Variants in PDE6C observed in about 807,000 individuals in gnomAD.
The protein encoded by PDE6C is cone cGMP-specific 3',5'-cyclic phosphodiesterase subunit alpha'.
Under a neutral mutation model 113.1 loss-of-function variants are expected in PDE6C, and 75 were observed. The ratio of observed to expected loss-of-function variants is 0.66; its 90% CI spans 0.55 to 0.80. PDE6C has a LOEUF of 0.80. PDE6C is among the 30% of genes least tolerant of loss of function. The probability of loss-of-function intolerance (pLI) is 0.00; values close to 1 mark genes in which losing one functional copy is unlikely to be tolerated. For synonymous variants in PDE6C, 375 were observed against 363.7 expected (o/e 1.03, Z -0.35); for missense variants, 912 against 1,038.6 (o/e 0.88, Z 1.67).
intron 4 of PDE6C, among the ~76,000 whole-genome samples, chr10:93,622,835 A>G (rs1351980143): frequency 6.6e-6 from 1 of 152,058 alleles, no homozygotes; most frequent in African/African-American, 2.4e-5. Flanking sequence ...TCACTGAATA[A>G]TATTCCACTG....
intron 21 of PDE6C, among the ~76,000 whole-genome samples, chr10:93,663,603 T>C (rs1470062671): frequency 6.6e-6 from 1 of 152,158 alleles, no homozygotes; most frequent in Admixed American, 6.5e-5. Context: ...TTCTTCTCCA[T>C]GTAATGAGGT....
intron 15 of PDE6C, among the ~76,000 whole-genome samples, chr10:93,653,597 T>C (rs1310866108): frequency 6.6e-6 from 1 of 151,970 alleles, no homozygotes; most frequent in Non-Finnish European, 1.5e-5. Flanking sequence ...TGAGCTGAGA[T>C]TGTGCCACTG....
At chr10:93,630,965 G>A (rs2058498475) in intron 8 of PDE6C, among the ~76,000 whole-genome samples, 1 of 152,210 alleles carries the variant, frequency 6.6e-6, no homozygotes, top group Admixed American at 6.5e-5. Flanking sequence ...ATGCATGTCA[G>A]CAAAAGGGCG....
At chr10:93,643,409 G>A (rs1425486239) in intron 14 of PDE6C, among the ~76,000 whole-genome samples, 1 of 151,700 alleles carries the variant, frequency 6.6e-6, no homozygotes, top group African/African-American at 2.4e-5. Flanking sequence ...TATATTTTTT[G>A]GAGACAGGGT....
chr10:93,664,425 T>C (rs2058680727), intron 21 of PDE6C, among the ~76,000 whole-genome samples: 1 of 152,184 alleles, frequency 6.6e-6, no homozygotes, highest in South Asian at 2.1e-4. Context: ...GAGTGCGAAG[T>C]ACATATGAAG....
At chr10:93,664,011 G>A (rs772825937) in intron 21 of PDE6C, among the ~76,000 whole-genome samples, 2 of 152,134 alleles carry the variant, frequency 1.3e-5, no homozygotes, top group African/African-American at 2.4e-5. Context: ...ATTCATAGGA[G>A]AAAATATTTT....
chr10:93,636,449 T>C (rs1359928547), intron 10 of PDE6C, among the ~76,000 whole-genome samples: 1 of 151,272 alleles, frequency 6.6e-6, no homozygotes. Flanking sequence ...CATGTTGGTT[T>C]TTGGTTTTGC....
chr10:93,641,224 G>A (rs565967461), intron 14 of PDE6C, among the ~76,000 whole-genome samples, 195 bp downstream of exon 14: 93 of 152,114 alleles, frequency 6.1e-4, no homozygotes, highest in Non-Finnish European at 1.2e-3. Flanking sequence ...AGGTTCTTGC[G>A]TCCCCCTTTC....
intron 15 of PDE6C, among the ~76,000 whole-genome samples, chr10:93,647,492 A>C (rs2058590341): frequency 1.3e-5 from 2 of 152,322 alleles, no homozygotes; most frequent in South Asian, 4.1e-4. Context: ...GCGTTGTTTT[A>C]ACAGTCTGTG....
rs1012765041 is a variant in PDE6C at position 93,612,761 on chromosome 10, C to A, written c.36C>A (p.Tyr12Ter). ...GEINQVAVEK[Y>*]LEENPQFAKE... ...TCAACCAAGTTGCCGTGGAGAAATA[C>A]CTGGAGGAGAACCCTCAGTTTGCCA... Residue 12 changes from tyrosine to a stop codon, truncating the protein, a stop_gained, in exon 1 of 22, where the codon TAC becomes TAA. Coordinates refer to ENST00000371447, the MANE Select transcript of PDE6C (RefSeq NM_006204.4). LOFTEE classifies it high-confidence loss of function. 1.2e-6 allele frequency: 2 copies of A among 1,614,084 alleles called. No homozygotes were observed. Among genetic ancestry groups the A allele is most frequent in the Admixed American group, 1.7e-5 (1 of 60,016 alleles).
intron 1 of PDE6C, among the ~76,000 whole-genome samples, chr10:93,619,126 A>G (rs2058433757): frequency 6.6e-6 from 1 of 152,166 alleles, no homozygotes; most frequent in African/African-American, 2.4e-5. Context: ...AATGATAACT[A>G]ATAAGATAAT....
chr10:93,640,186 T>G lies in PDE6C; in HGVS notation c.1599T>G (p.Asn533Lys), dbSNP rs750797323. ...GAATACGACTGTTTTTTGAAATAAA[T>G]GTGGTGGAGAAATTCAAAGTACCTG... ...KCGIRLFFEI[N>K]VVEKFKVPVE... Residue 533 changes from asparagine (N) to lysine (K), a missense_variant, in exon 12 of 22, where the codon AAT becomes AAG. Asn to Lys is a moderately conservative substitution (Grantham distance 94). Transcript: ENST00000371447. 104 of 1,613,530 alleles carry G rather than the reference T, an allele frequency of 6.4e-5. No homozygotes were observed. Among genetic ancestry groups the G allele is most frequent in the Non-Finnish European group, 8.3e-5 (98 of 1,179,456 alleles).
At chr10:93,630,993 T>A (rs144040558) in intron 8 of PDE6C, among the ~76,000 whole-genome samples, 1 of 152,170 alleles carries the variant, frequency 6.6e-6, no homozygotes, top group Non-Finnish European at 1.5e-5. Flanking sequence ...TTTTCTAGAG[T>A]CTGAACCTTA....
chr10:93,622,737 G>A (rs1272277359), intron 4 of PDE6C, among the ~76,000 whole-genome samples: 1 of 143,496 alleles, frequency 7.0e-6, no homozygotes, highest in African/African-American at 2.6e-5. Context: ...CATACAGTAT[G>A]TAGCTTTTCA....
In PDE6C at chr10:93,613,870, A is replaced by G. The variant is rs574986914; in HGVS notation, c.480+665A>G. On this transcript the variant is annotated intron_variant, in intron 1 of 21. Coordinates refer to ENST00000371447, the MANE Select transcript of PDE6C (RefSeq NM_006204.4). Reference sequence around the variant, plus strand: ...TTCAAGAATGAATTCCAATCAAGTAAGTGGGACATTTGGACCCTCTTGAAG... The same window carrying G: ...TTCAAGAATGAATTCCAATCAAGTAGGTGGGACATTTGGACCCTCTTGAAG... Among the ~76,000 whole-genome samples, 16 of 152,362 alleles carry G rather than the reference A, an allele frequency of 1.1e-4. No homozygotes were observed. The South Asian group carries it at 3.3e-3, about 32-fold the overall frequency.
At chr10:93,657,695 G>C (rs1244662830) in intron 16 of PDE6C, among the ~76,000 whole-genome samples, 1 of 152,024 alleles carries the variant, frequency 6.6e-6, no homozygotes, top group Admixed American at 6.5e-5. Context: ...CATTTCAATT[G>C]TTTCTAATTT....
intron 3 of PDE6C, among the ~76,000 whole-genome samples, chr10:93,621,573 CT>C (rs1348115481): frequency 4.6e-5 from 7 of 152,174 alleles, no homozygotes; most frequent in African/African-American, 1.7e-4. Flanking sequence ...GTATGTGGCT[CT>C]CTCCACATCA....
chr10:93,661,761 A>C (rs1466915476), intron 18 of PDE6C, among the ~76,000 whole-genome samples: 3 of 152,214 alleles, frequency 2.0e-5, no homozygotes, highest in Admixed American at 2.0e-4. Flanking sequence ...TTAGAACTTG[A>C]AGCATAATAT....
intron 10 of PDE6C, among the ~76,000 whole-genome samples, chr10:93,636,368 T>TTG (rs56143950): frequency 0.014 from 1,957 of 141,300 alleles, 19 homozygotes; most frequent in African/African-American, 0.02. Context: ...TTCCCTGGCT[T>TTG]TGTGTGTGTG....
Sources: gnomAD v4.1 joint callset for allele counts (sites outside exome capture counted in the v4.1 genomes callset) on GRCh38, gnomAD v4.1.1 for gene constraint, MANE v1.5 for transcripts, NCBI Gene and HGNC (gene_info 2026-07-23, HGNC 2026-07-21) for gene names.